GSAP: variants seen among roughly 807,000 people sequenced by gnomAD.
The protein encoded by GSAP is gamma-secretase activating protein.
GSAP carries 118 observed loss-of-function variants against 131.7 expected under a neutral mutation model. The ratio of observed to expected loss-of-function variants is 0.90; its 90% CI spans 0.77 to 1.04. The LOEUF (loss-of-function observed/expected upper bound fraction) is 1.04, where lower values mean the gene tolerates loss of function less well. GSAP is among the 50% of genes least tolerant of loss of function. GSAP has a pLI of 0.00. For missense variants in GSAP, 1,019 were observed against 1,013.2 expected, an observed-to-expected ratio of 1.01 and a Z score of -0.08; for synonymous variants, 381 against 363.4, an observed-to-expected ratio of 1.05 and a Z score of -0.55.
At chr7:77,326,488 A>G in intron 22 of GSAP, 1 of 467,150 alleles carries the variant, frequency 2.1e-6, no homozygotes, top group South Asian at 3.6e-5. Context: ...AGAAACCAAC[A>G]CATTCCTCAA....
chr7:77,314,105 T>C (rs542802406), intron 27 of GSAP, among the ~76,000 whole-genome samples: 3 of 152,268 alleles, frequency 2.0e-5, no homozygotes, highest in South Asian at 4.1e-4. Context: ...AAACCTTAAA[T>C]TGGCCCAAAA....
chr7:77,397,476 A>T, intron 3 of GSAP, 61 bp from the exon 4 acceptor site: 1 of 928,638 alleles, frequency 1.1e-6, no homozygotes, highest in South Asian at 1.5e-5. Flanking sequence ...AATTGTATGA[A>T]CATAAATTCC....
Position 77,381,070 on chromosome 7 carries a change from C to T in GSAP, c.576+235G>A, listed in dbSNP as rs1359818566. ...TAAAAGCTGTGGAAAGACACACAGG[C>T]TGTTATTAGCTACCTCAGGATACTG... On this transcript the variant is annotated intron_variant, in intron 8 of 30. Transcript: ENST00000257626. Among the ~76,000 whole-genome samples, 4 of 152,128 alleles carry T rather than the reference C, an allele frequency of 2.6e-5. No homozygotes were observed. In the East Asian group the frequency reaches 7.7e-4, roughly 29 times the overall value.
At chr7:77,353,172 ATCT>A in intron 17 of GSAP, 146 bp from the exon 18 acceptor site, 3 of 600,244 alleles carry the variant, frequency 5.0e-6, no homozygotes, top group Non-Finnish European at 6.0e-6. Context: ...TCATGATTTT[ATCT>A]ACTGACTAAA....
rs201198892 is a variant in GSAP at position 77,401,372 on chromosome 7, T to TG, written c.243+3186dup. On this transcript the variant is annotated intron_variant, in intron 3 of 30. Coordinates refer to ENST00000257626, the MANE Select transcript of GSAP (RefSeq NM_017439.4). ...AGCAAAGAAAAAAGTGACATCTATA[T>TG]GGGGGGGAGAAAAATTCAAAAGACA... 9.6e-4 allele frequency among the ~76,000 whole-genome samples: 146 copies of TG among 151,586 alleles called. 2 individuals are homozygous for TG. In the East Asian group the frequency reaches 0.019, roughly 20 times the overall value.
At chr7:77,373,752 G>A (rs563248408) in intron 12 of GSAP, among the ~76,000 whole-genome samples, 5 of 152,302 alleles carry the variant, frequency 3.3e-5, no homozygotes, top group Non-Finnish European at 5.9e-5. Flanking sequence ...CACAGCCATC[G>A]CTGTTAGTCA....
At chr7:77,356,539 A>C (rs567644976) in intron 14 of GSAP, among the ~76,000 whole-genome samples, 1 of 152,338 alleles carries the variant, frequency 6.6e-6, no homozygotes, top group African/African-American at 2.4e-5. Context: ...CTCTGCAGAC[A>C]CATTGACACT....
At chr7:77,394,362 T>C (rs937671724) in intron 5 of GSAP, among the ~76,000 whole-genome samples, 1 of 152,214 alleles carries the variant, frequency 6.6e-6, no homozygotes, top group Non-Finnish European at 1.5e-5. Context: ...AGTCCTGTGA[T>C]GACTGTTTGA....
At chr7:77,391,916 A>G (rs1799610800) in intron 5 of GSAP, among the ~76,000 whole-genome samples, 2 of 152,346 alleles carry the variant, frequency 1.3e-5, no homozygotes, top group South Asian at 4.1e-4. Context: ...CCATTATTCT[A>G]TGAGGTGCTA....
rs531233655 is a variant in GSAP, at chr7:77,382,987, A to C, written c.457-344T>G. Among the ~76,000 whole-genome samples, 3 of 152,284 alleles carry C rather than the reference A, an allele frequency of 2.0e-5. No homozygotes were observed. The South Asian group carries it at 6.2e-4, about 32-fold the overall frequency. On this transcript the variant is annotated intron_variant, in intron 6 of 30. Coordinates refer to ENST00000257626, the MANE Select transcript of GSAP (RefSeq NM_017439.4). ...GATCACTTGACCTCAGGAGTTCAAG[A>C]CCAGCCTGGGCAACATGGCAAGACC...
intron 23 of GSAP, among the ~76,000 whole-genome samples, chr7:77,324,096 T>C (rs1331555133): frequency 6.6e-6 from 1 of 152,164 alleles, no homozygotes; most frequent in Non-Finnish European, 1.5e-5. Flanking sequence ...CCTAGAGTCC[T>C]GGGGGATTAA....
chr7:77,386,874 A>G (rs183045993), intron 6 of GSAP, among the ~76,000 whole-genome samples: 13 of 152,342 alleles, frequency 8.5e-5, no homozygotes, highest in East Asian at 5.8e-4. Context: ...ACGAAGTACT[A>G]TAAGTGTTTA....
intron 14 of GSAP, among the ~76,000 whole-genome samples, chr7:77,358,404 T>C (rs1174722334): frequency 3.9e-5 from 6 of 152,238 alleles, no homozygotes; most frequent in Non-Finnish European, 8.8e-5. Context: ...AAATTTGTTA[T>C]ATTTTATTTG....
chr7:77,373,965 T>C, intron 12 of GSAP, 105 bp downstream of exon 12: 1 of 707,154 alleles, frequency 1.4e-6, no homozygotes, highest in Non-Finnish European at 2.5e-6. Flanking sequence ...GACATAAAAA[T>C]GTAGCTCTGT....
At chr7:77,393,699 A>G (rs1165378551) in intron 5 of GSAP, among the ~76,000 whole-genome samples, 7 of 146,762 alleles carry the variant, frequency 4.8e-5, no homozygotes, top group Non-Finnish European at 8.9e-5. Flanking sequence ...TTTGAGACAG[A>G]GTCTCACTGT....
chr7:77,394,556 G>T (rs1800063589), intron 5 of GSAP, among the ~76,000 whole-genome samples: 1 of 152,082 alleles, frequency 6.6e-6, no homozygotes, highest in Non-Finnish European at 1.5e-5. Context: ...CTTATCTCAG[G>T]GAGCAATATA....
Position 77,353,645 on chromosome 7 carries a change from TAA to T in GSAP, c.1339-6_1339-5del. 6.3e-7 allele frequency: 1 copy of T among 1,594,638 alleles called. No individual in the cohort carries two copies. Among genetic ancestry groups the T allele is most frequent in the Non-Finnish European group, 8.6e-7 (1 of 1,163,704 alleles). On this transcript the variant is annotated splice_polypyrimidine_tract_variant and splice_region_variant and intron_variant, in intron 16 of 30. Transcript: ENST00000257626. The stretch of plus-strand genomic sequence containing the variant: ...TCTCAGAAATCCACTGAATAATCTT[TAA>T]AAAGTCAGACAGAACTCTGTTGGTA...
chr7:77,355,062 G>A (rs1793449867), intron 16 of GSAP, 151 bp downstream of exon 16: 1 of 599,366 alleles, frequency 1.7e-6, no homozygotes, highest in Admixed American at 3.1e-5. Flanking sequence ...CCATAAAAAA[G>A]CAGCGCAAAA....
intron 14 of GSAP, 131 bp from the exon 15 acceptor site, chr7:77,355,778 T>A: frequency 2.0e-6 from 1 of 503,122 alleles, no homozygotes. Flanking sequence ...AGCTATCTAA[T>A]GACAGCCCGT....
Sources: gnomAD v4.1 joint callset for allele counts (sites outside exome capture counted in the v4.1 genomes callset) on GRCh38, gnomAD v4.1.1 for gene constraint, MANE v1.5 for transcripts, NCBI Gene and HGNC (gene_info 2026-07-23, HGNC 2026-07-21) for gene names.